The following PLEKHA7 variants were observed in gnomAD, a reference collection of about 807,000 sequenced individuals.
The protein encoded by PLEKHA7 is pleckstrin homology domain containing A7.
In PLEKHA7, 104 loss-of-function variants were observed where a neutral mutation model predicts 170.0. The ratio of observed to expected loss-of-function variants is 0.61; its 90% CI spans 0.52 to 0.72. The LOEUF (loss-of-function observed/expected upper bound fraction) is 0.72, where lower values mean the gene tolerates loss of function less well. PLEKHA7 is among the 30% of genes least tolerant of loss of function. PLEKHA7 has a pLI of 0.00. For missense variants in PLEKHA7, 1,615 were observed against 1,671.7 expected (o/e 0.97, Z 0.59); for synonymous variants, 648 against 660.8 (o/e 0.98, Z 0.30).
In PLEKHA7 at chr11:16,963,915, C is replaced by T. The variant is rs1862215505; in HGVS notation, c.221+50074G>A. 4.6e-5 allele frequency among the ~76,000 whole-genome samples: 7 copies of T among 152,316 alleles called. No homozygotes were observed. The South Asian group carries it at 1.4e-3, about 32-fold the overall frequency. The stretch of plus-strand genomic sequence containing the variant: ...GTTGTGCAACCAACGCCACTATGTT[C>T]CTAAAACTTTGTTACTACCTCAAAC... On this transcript the variant is annotated intron_variant, in intron 3 of 26. Coordinates refer to ENST00000531066, the MANE Select transcript of PLEKHA7 (RefSeq NM_001329630.2).
At chr11:17,011,116 G>A (rs1176242293) in intron 3 of PLEKHA7, among the ~76,000 whole-genome samples, 2 of 152,184 alleles carry the variant, frequency 1.3e-5, no homozygotes, top group Non-Finnish European at 2.9e-5. Flanking sequence ...GCAAAGGTGT[G>A]GAAGGCTGTG....
At chr11:16,840,088 C>T (rs1246540258) in intron 9 of PLEKHA7, among the ~76,000 whole-genome samples, 1 of 152,116 alleles carries the variant, frequency 6.6e-6, no homozygotes, top group African/African-American at 2.4e-5. Context: ...GATGACAATG[C>T]TGGAAGTAGA....
chr11:16,926,368 A>G (rs1859543601), intron 3 of PLEKHA7, among the ~76,000 whole-genome samples: 1 of 151,958 alleles, frequency 6.6e-6, no homozygotes, highest in Non-Finnish European at 1.5e-5. Flanking sequence ...GAACTACAGC[A>G]CCTCTCAGCA....
intron 8 of PLEKHA7, among the ~76,000 whole-genome samples, chr11:16,849,487 A>C (rs1852739804): frequency 6.6e-6 from 1 of 152,222 alleles, no homozygotes; most frequent in Non-Finnish European, 1.5e-5. Flanking sequence ...CAGAGTCAGG[A>C]ATAAGTTTCT....
intron 13 of PLEKHA7, among the ~76,000 whole-genome samples, chr11:16,806,417 C>T (rs1848991474): frequency 6.6e-6 from 1 of 152,234 alleles, no homozygotes; most frequent in African/African-American, 2.4e-5. Flanking sequence ...GCATCTCTGT[C>T]ATCAGAAAAA....
intron 3 of PLEKHA7, among the ~76,000 whole-genome samples, chr11:16,897,822 T>C (rs1590529545): frequency 6.6e-6 from 1 of 152,270 alleles, no homozygotes; most frequent in East Asian, 1.9e-4. Context: ...CAAATGTGAA[T>C]GTAAAAGGCG....
chr11:17,004,323 G>A (rs1864852922), intron 3 of PLEKHA7, among the ~76,000 whole-genome samples: 2 of 151,964 alleles, frequency 1.3e-5, no homozygotes, highest in African/African-American at 4.8e-5. Context: ...GGAACAATAT[G>A]TCCAGGCCTC....
At chr11:16,966,781 T>G (rs1475711724) in intron 3 of PLEKHA7, among the ~76,000 whole-genome samples, 1 of 152,134 alleles carries the variant, frequency 6.6e-6, no homozygotes, top group Non-Finnish European at 1.5e-5. Context: ...ACTCCCTGCT[T>G]TATTCCTTCA....
rs535970707 is a variant in PLEKHA7, at chr11:16,887,531, T to C, written c.222-16349A>G. 4.6e-5 allele frequency among the ~76,000 whole-genome samples: 7 copies of C among 152,332 alleles called. No individual in the cohort carries two copies. The East Asian group carries it at 1.2e-3, about 25-fold the overall frequency. ...GCCTCAGCCTGCCCAGTGCCTGGGA[T>C]TGCAGGCGCGCACCACCACGCCTGA... On this transcript the variant is annotated intron_variant, in intron 3 of 26. Coordinates refer to ENST00000531066, the MANE Select transcript of PLEKHA7 (RefSeq NM_001329630.2).
chr11:16,786,351 C>G lies in PLEKHA7; in HGVS notation c.3394G>C (p.Glu1132Gln). 6.5e-7 allele frequency: 1 copy of G among 1,536,186 alleles called. No homozygotes were observed. The highest frequency in any genetic ancestry group is 8.7e-7 in the Non-Finnish European group (1 of 1,146,920). Residue 1132 changes from glutamate (E) to glutamine (Q), a missense_variant, in exon 24 of 27, where the codon GAA becomes CAA. Glu to Gln is a conservative substitution (Grantham distance 29). Coordinates refer to ENST00000531066, the MANE Select transcript of PLEKHA7 (RefSeq NM_001329630.2). ...TTTTTTTCCCCTTGCACGACCCGTTCCAGCAACTGCAGGTCAAAGTCCTGC... is the reference window on the plus strand; with the variant it reads ...TTTTTTTCCCCTTGCACGACCCGTTGCAGCAACTGCAGGTCAAAGTCCTGC... The part of the protein sequence containing the change: ...REQDFDLQLL[E>Q]RVVQGEKKDK...
In PLEKHA7 at chr11:16,792,900, A is replaced by G. The variant is rs562506585; in HGVS notation, c.2745+1588T>C. On this transcript the variant is annotated intron_variant, in intron 19 of 26. Coordinates refer to ENST00000531066, the MANE Select transcript of PLEKHA7 (RefSeq NM_001329630.2). The stretch of plus-strand genomic sequence containing the variant: ...ATGATCCTCCTGCCTTAGCCTTCCC[A>G]GTAGCTGGGACGACAGGCAAGCAGC... Among the ~76,000 whole-genome samples, 8 of 152,316 alleles carry G rather than the reference A, an allele frequency of 5.3e-5. No homozygotes were observed. In the East Asian group the frequency reaches 1.5e-3, roughly 29 times the overall value.
intron 3 of PLEKHA7, among the ~76,000 whole-genome samples, chr11:16,913,670 G>A (rs543771106): frequency 5.9e-5 from 9 of 152,306 alleles, no homozygotes; most frequent in South Asian, 2.1e-4. Context: ...GAGAAGCACT[G>A]GAAAGGCTGA....
At chr11:16,941,863 C>T (rs1565139174) in intron 3 of PLEKHA7, among the ~76,000 whole-genome samples, 1 of 152,228 alleles carries the variant, frequency 6.6e-6, no homozygotes, top group Non-Finnish European at 1.5e-5. Flanking sequence ...TCAGCCAGTG[C>T]ACAAGCATGG....
At chr11:16,855,555 C>G in intron 5 of PLEKHA7, 1 of 464,444 alleles carries the variant, frequency 2.2e-6, no homozygotes, top group Non-Finnish European at 3.8e-6. Flanking sequence ...CCCAACCATG[C>G]GAGGAAAGTG....
At chr11:16,924,202 T>A (rs1348893754) in intron 3 of PLEKHA7, among the ~76,000 whole-genome samples, 1 of 152,186 alleles carries the variant, frequency 6.6e-6, no homozygotes, top group Non-Finnish European at 1.5e-5. Flanking sequence ...GGAGGGAAAC[T>A]GAAACTGCCT....
intron 3 of PLEKHA7, among the ~76,000 whole-genome samples, chr11:17,003,980 A>G (rs1864828671): frequency 2.6e-5 from 4 of 152,198 alleles, no homozygotes; most frequent in Admixed American, 2.6e-4. Context: ...GAGGCTGAAA[A>G]GCCAACAAGG....
chr11:16,779,380 C>T (rs997822737), intron 26 of PLEKHA7, among the ~76,000 whole-genome samples: 8 of 152,198 alleles, frequency 5.3e-5, no homozygotes, highest in Non-Finnish European at 7.3e-5. Flanking sequence ...GGTGGTCATA[C>T]CCACTTCTTA....
chr11:16,894,678 T>C lies in PLEKHA7; in HGVS notation c.222-23496A>G, dbSNP rs143652727. ...TGAATGGTAAGGGTACATGTTCTTGTTGGGGCCCCTTCTCCCCACAGAAAA... is the reference window on the plus strand; with the variant it reads ...TGAATGGTAAGGGTACATGTTCTTGCTGGGGCCCCTTCTCCCCACAGAAAA... On this transcript the variant is annotated intron_variant, in intron 3 of 26. Transcript: ENST00000531066. 1.7e-3 allele frequency among the ~76,000 whole-genome samples: 261 copies of C among 152,284 alleles called. 6 individuals are homozygous for C. The East Asian group carries it at 0.036, about 21-fold the overall frequency.
intron 3 of PLEKHA7, among the ~76,000 whole-genome samples, chr11:16,918,447 G>C (rs1352314002): frequency 6.6e-6 from 1 of 152,184 alleles, no homozygotes; most frequent in Non-Finnish European, 1.5e-5. Context: ...CCCAAGCTGG[G>C]ATCTGAACCT....
Sources: gnomAD v4.1 joint callset for allele counts (sites outside exome capture counted in the v4.1 genomes callset) on GRCh38, gnomAD v4.1.1 for gene constraint, MANE v1.5 for transcripts, NCBI Gene and HGNC (gene_info 2026-07-23, HGNC 2026-07-21) for gene names.